The following IPO11 variants were observed in gnomAD, a reference collection of about 807,000 sequenced individuals.
IPO11 encodes the protein importin-11.
A neutral mutation model predicts 143.2 loss-of-function variants in IPO11; 66 were observed. That is an observed-to-expected ratio of 0.46 (90% CI 0.38 to 0.57). The LOEUF (loss-of-function observed/expected upper bound fraction) is 0.57, where lower values mean the gene tolerates loss of function less well. Ranked by LOEUF, IPO11 falls within the 20% of genes least tolerant of loss-of-function variation. The pLI, the probability that IPO11 is intolerant of heterozygous loss-of-function variation, is 0.00. For synonymous variants in IPO11, 385 were observed against 377.8 expected (o/e 1.02, Z -0.22); for missense variants, 1,026 against 1,141.0 (o/e 0.90, Z 1.45).
chr5:62,496,016 G>A (rs932208818), intron 16 of IPO11, among the ~76,000 whole-genome samples: 1 of 152,064 alleles, frequency 6.6e-6, no homozygotes, highest in African/African-American at 2.4e-5. Context: ...TGTGGCATGC[G>A]TGGTGACTCA....
intron 9 of IPO11, among the ~76,000 whole-genome samples, chr5:62,481,053 C>A (rs1228876517): frequency 1.3e-4 from 19 of 151,236 alleles, no homozygotes; most frequent in Admixed American, 8.6e-4. Flanking sequence ...GTAGCTGGGA[C>A]TACAGGCACC....
At chr5:62,465,718 AC>A (rs1745550940) in intron 5 of IPO11, among the ~76,000 whole-genome samples, 1 of 152,260 alleles carries the variant, frequency 6.6e-6, no homozygotes, top group Non-Finnish European at 1.5e-5. Context: ...AAGTATACAC[AC>A]AAGATGAGGA....
intron 26 of IPO11, among the ~76,000 whole-genome samples, chr5:62,553,702 A>G (rs1177433805): frequency 1.3e-5 from 2 of 150,136 alleles, no homozygotes; most frequent in East Asian, 2.0e-4. Context: ...GTGAGATGAT[A>G]TCTCATTGTG....
rs3077458 is a variant in IPO11, at chr5:62,553,323, AGTGTGTGT to A, written c.2460+2021_2460+2028del. Among the ~76,000 whole-genome samples the A allele has an allele frequency of 9.3e-4, 111 of 119,272 alleles. 1 individual carries two copies. The highest frequency in any genetic ancestry group is 8.2e-3 in the South Asian group (25 of 3,032). 78.2% of individuals were successfully genotyped at this position (119,272 alleles called of 152,430 possible). A position where few individuals can be genotyped will look rare whatever the true frequency, so the allele number is the denominator to read the frequency against. On this transcript the variant is annotated intron_variant, in intron 26 of 29. Coordinates refer to ENST00000325324, the MANE Select transcript of IPO11 (RefSeq NM_016338.5). ...TTTGAGGTCGAATAGTATTCGTGTGAGTGTGTGTGTGTGTGTGTGTGTGTGTGTGTGTG... is the reference window on the plus strand; with the variant it reads ...TTTGAGGTCGAATAGTATTCGTGTGAGTGTGTGTGTGTGTGTGTGTGTGTG...
chr5:62,481,505 C>G (rs780753912), intron 9 of IPO11, among the ~76,000 whole-genome samples: 21 of 151,994 alleles, frequency 1.4e-4, no homozygotes, highest in Non-Finnish European at 2.9e-4. Flanking sequence ...TTTTCTGCAT[C>G]TATTGAGATA....
intron 1 of IPO11, among the ~76,000 whole-genome samples, chr5:62,429,587 C>CGTGT (rs56185914): frequency 0.071 from 9,181 of 128,432 alleles, 488 homozygotes; most frequent in East Asian, 0.24. Context: ...GTCTGATTTT[C>CGTGT]GTGTGTGTGT....
chr5:62,557,517 C>A (rs925449338), intron 26 of IPO11, among the ~76,000 whole-genome samples: 5 of 152,050 alleles, frequency 3.3e-5, no homozygotes, highest in African/African-American at 1.2e-4. Flanking sequence ...TAAAATATAC[C>A]CCTGGTCTCT....
chr5:62,477,384 A>G (rs1381454534), intron 9 of IPO11, among the ~76,000 whole-genome samples: 1 of 152,140 alleles, frequency 6.6e-6, no homozygotes, highest in Non-Finnish European at 1.5e-5. Flanking sequence ...TTCCCTTTTT[A>G]ATTAAAGATT....
At chr5:62,554,450 A>G (rs1743499448) in intron 26 of IPO11, among the ~76,000 whole-genome samples, 1 of 152,084 alleles carries the variant, frequency 6.6e-6, no homozygotes, top group Non-Finnish European at 1.5e-5. Flanking sequence ...GAGTTGATTT[A>G]TGTATATCAC....
intron 7 of IPO11, among the ~76,000 whole-genome samples, chr5:62,473,972 C>G (rs756626189): frequency 6.6e-6 from 1 of 151,966 alleles, no homozygotes; most frequent in African/African-American, 2.4e-5. Flanking sequence ...TATTGCCAAA[C>G]GATGTTTCAG....
At chr5:62,521,302 C>T (rs1401804992) in intron 20 of IPO11, among the ~76,000 whole-genome samples, 5 of 152,104 alleles carry the variant, frequency 3.3e-5, no homozygotes, top group South Asian at 4.1e-4. Context: ...ATTGCATGTG[C>T]GAAAATGTCT....
intron 29 of IPO11, among the ~76,000 whole-genome samples, chr5:62,611,720 G>A (rs1745933799): frequency 6.6e-6 from 1 of 152,096 alleles, no homozygotes; most frequent in South Asian, 2.1e-4. Context: ...AAAATCTTCA[G>A]GTTTGTAAAT....
chr5:62,601,774 A>T lies in IPO11; in HGVS notation c.2689A>T (p.Met897Leu). Residue 897 changes from methionine (M) to leucine (L), a missense_variant, in exon 29 of 30, where the codon ATG becomes TTG. Coordinates refer to ENST00000325324, the MANE Select transcript of IPO11 (RefSeq NM_016338.5). ...ETGTYKDCML[M>L]SHLEEPKVTE... The stretch of plus-strand genomic sequence containing the variant: ...AAAAAATTATTATAGCTGTATGTTG[A>T]TGTCTCATCTTGAGGAACCAAAAGT... 6.4e-7 allele frequency: 1 copy of T among 1,574,464 alleles called. No individual in the cohort carries two copies. Among genetic ancestry groups the T allele is most frequent in the Non-Finnish European group, 8.6e-7 (1 of 1,158,100 alleles).
intron 1 of IPO11, among the ~76,000 whole-genome samples, chr5:62,432,781 T>G (rs576373221): frequency 1.3e-5 from 2 of 152,328 alleles, no homozygotes; most frequent in African/African-American, 4.8e-5. Flanking sequence ...TTGATTAGAT[T>G]AATGTTGACC....
At chr5:62,535,803 T>G (rs188314320) in intron 22 of IPO11, among the ~76,000 whole-genome samples, 1 of 152,164 alleles carries the variant, frequency 6.6e-6, no homozygotes, top group African/African-American at 2.4e-5. Flanking sequence ...TAAGAAAAAA[T>G]AATTTGTCTT....
chr5:62,476,786 T>C, intron 9 of IPO11, 33 bp downstream of exon 9: 1 of 1,462,218 alleles, frequency 6.8e-7, no homozygotes, highest in Non-Finnish European at 9.2e-7. Flanking sequence ...TTCTCAAATA[T>C]AATACACATA....
intron 28 of IPO11, among the ~76,000 whole-genome samples, chr5:62,593,700 C>G (rs1745115360): frequency 6.6e-6 from 1 of 152,186 alleles, no homozygotes; most frequent in African/African-American, 2.4e-5. Flanking sequence ...GTAGCTGGAA[C>G]ATATCTGACC....
chr5:62,415,609 C>T (rs368655214), intron 1 of IPO11, among the ~76,000 whole-genome samples: 10 of 151,744 alleles, frequency 6.6e-5, no homozygotes, highest in Admixed American at 3.3e-4. Flanking sequence ...GCTGGGATTA[C>T]CGGCATGCAC....
intron 20 of IPO11, among the ~76,000 whole-genome samples, chr5:62,516,280 C>A (rs557031870): frequency 1.3e-5 from 2 of 152,200 alleles, no homozygotes; most frequent in African/African-American, 4.8e-5. Flanking sequence ...CTCATTCTTT[C>A]CATAAATGCT....
Sources: allele counts gnomAD v4.1 joint callset (sites outside exome capture counted in the v4.1 genomes callset), GRCh38; gene constraint gnomAD v4.1.1; transcripts MANE v1.5; gene names NCBI Gene and HGNC (gene_info 2026-07-23, HGNC 2026-07-21).